The following LRP2 variants were observed in gnomAD, a reference collection of about 807,000 sequenced individuals.
LRP2 encodes LDL receptor related protein 2, also known as low-density lipoprotein receptor-related protein 2.
A neutral mutation model predicts 531.0 loss-of-function variants in LRP2; 172 were observed. That is an observed-to-expected ratio of 0.32 (90% confidence interval 0.29 to 0.37). The LOEUF is 0.37. Among genes scored for constraint, LRP2 ranks in the 10% least tolerant of loss-of-function variants. The pLI is 1.00. For missense variants in LRP2, 5,167 were observed against 5,868.3 expected, an observed-to-expected ratio of 0.88 and a Z score of 3.90; for synonymous variants, 1,992 against 2,027.6, an observed-to-expected ratio of 0.98 and a Z score of 0.47.
intron 36 of LRP2, among the ~76,000 whole-genome samples, chr2:169,212,800 A>T (rs1315280221): frequency 6.6e-6 from 1 of 152,026 alleles, no homozygotes; most frequent in African/African-American, 2.4e-5. Context: ...GGGATAAAAG[A>T]CTACAAATAG....
chr2:169,271,172 A>G (rs1001522420), intron 15 of LRP2, 65 bp from the exon 16 acceptor site: 29 of 1,018,002 alleles, frequency 2.8e-5, no homozygotes, highest in Admixed American at 2.1e-4. Context: ...CCCAAATTCC[A>G]GATAAATGCA....
chr2:169,351,661 T>A (rs1249869220), intron 1 of LRP2, among the ~76,000 whole-genome samples: 1 of 152,036 alleles, frequency 6.6e-6, no homozygotes, highest in Non-Finnish European at 1.5e-5. Flanking sequence ...GAGGAGAAGA[T>A]ATAAGGAAGC....
chr2:169,288,984 A>C (rs1261235499), intron 9 of LRP2, 42 bp downstream of exon 9: 2 of 1,612,086 alleles, frequency 1.2e-6, no homozygotes, highest in Non-Finnish European at 1.7e-6. Context: ...CCATCAGTGT[A>C]CTGTAATGAA....
At chr2:169,259,635 T>A (rs1023720649) in intron 16 of LRP2, among the ~76,000 whole-genome samples, 2 of 151,852 alleles carry the variant, frequency 1.3e-5, no homozygotes, top group Non-Finnish European at 2.9e-5. Context: ...TGAGGTATCA[T>A]CGCCCAACCC....
In LRP2 at chr2:169,236,374, T is replaced by C. The variant is rs77804733; in HGVS notation, c.4692-306A>G. Among the ~76,000 whole-genome samples, 398 of 152,276 alleles carry C rather than the reference T, an allele frequency of 2.6e-3. 1 individual carries two copies. The highest frequency in any genetic ancestry group is 9.0e-3 in the African/African-American group (374 of 41,576). ...TTCATGTTTGTTTATAATCCACAAA[T>C]AGTTGATCTAGAAAAATCCATCTGT... On this transcript the variant is annotated intron_variant, in intron 28 of 78. Coordinates refer to ENST00000649046, the MANE Select transcript of LRP2 (RefSeq NM_004525.3).
intron 19 of LRP2, among the ~76,000 whole-genome samples, chr2:169,247,858 T>C (rs1031305214): frequency 6.6e-6 from 1 of 152,206 alleles, no homozygotes; most frequent in African/African-American, 2.4e-5. Flanking sequence ...CTCATAGGTC[T>C]GCACCCGCTA....
chr2:169,326,646 GGAAGT>G (rs1383370585), intron 1 of LRP2, among the ~76,000 whole-genome samples: 1 of 152,162 alleles, frequency 6.6e-6, no homozygotes, highest in Admixed American at 6.5e-5. Flanking sequence ...ACCCCGTCTG[GGAAGT>G]GAGGAGCGTC....
intron 4 of LRP2, among the ~76,000 whole-genome samples, 181 bp downstream of exon 4, chr2:169,307,100 G>C (rs1684440378): frequency 6.6e-6 from 1 of 152,166 alleles, no homozygotes; most frequent in Admixed American, 6.5e-5. Flanking sequence ...AGAATGTCTT[G>C]TTAAAAATAG....
intron 3 of LRP2, among the ~76,000 whole-genome samples, chr2:169,309,021 C>A (rs1684510682): frequency 1.3e-5 from 2 of 152,168 alleles, no homozygotes; most frequent in African/African-American, 4.8e-5. Context: ...TAAATGTCTT[C>A]TTTTGAGAAG....
intron 3 of LRP2, among the ~76,000 whole-genome samples, chr2:169,310,591 G>A (rs1389753300): frequency 6.6e-6 from 1 of 152,214 alleles, no homozygotes; most frequent in Non-Finnish European, 1.5e-5. Flanking sequence ...TGTGCTGCTG[G>A]ATTGGGTTTG....
chr2:169,225,477 T>A, intron 32 of LRP2, 24 bp from the exon 33 acceptor site: 1 of 1,613,496 alleles, frequency 6.2e-7, no homozygotes, highest in Non-Finnish European at 8.5e-7. Flanking sequence ...CAAGGGGAGG[T>A]GAGCAGTTCC....
In LRP2 at chr2:169,177,790, A is replaced by G. The variant is rs1324250656; in HGVS notation, c.10393+13T>C. ...CAAGGCAACCTTGCCAAACCCCTCA[A>G]TCACCTACTCACCAATGGGCTGCCT... On this transcript the variant is annotated intron_variant, in intron 53 of 78. Coordinates refer to ENST00000649046, the MANE Select transcript of LRP2 (RefSeq NM_004525.3). The G allele has an allele frequency of 1.9e-6, 3 of 1,612,408 alleles. No individual in the cohort carries two copies. The highest frequency in any genetic ancestry group is 1.3e-5 in the African/African-American group (1 of 74,900).
chr2:169,265,274 A>G (rs1690754055), intron 16 of LRP2, among the ~76,000 whole-genome samples: 3 of 152,062 alleles, frequency 2.0e-5, no homozygotes, highest in Admixed American at 2.0e-4. Flanking sequence ...TCTCCAGAAA[A>G]GACTCACTAA....
chr2:169,337,320 G>A (rs1685433412), intron 1 of LRP2, among the ~76,000 whole-genome samples: 1 of 152,172 alleles, frequency 6.6e-6, no homozygotes, highest in Non-Finnish European at 1.5e-5. Flanking sequence ...GGAGCAGATT[G>A]TAGGGGAACA....
intron 28 of LRP2, among the ~76,000 whole-genome samples, chr2:169,236,806 G>A (rs1286158206): frequency 2.0e-5 from 3 of 152,162 alleles, no homozygotes; most frequent in Non-Finnish European, 2.9e-5. Flanking sequence ...ACTGCATGCA[G>A]TAATTAGAAA....
intron 54 of LRP2, among the ~76,000 whole-genome samples, chr2:169,176,137 T>C (rs1687184702): frequency 6.6e-6 from 1 of 152,246 alleles, no homozygotes; most frequent in Non-Finnish European, 1.5e-5. Context: ...CTGGCTCCAA[T>C]ACTTAAGACA....
intron 75 of LRP2, among the ~76,000 whole-genome samples, chr2:169,137,930 G>A (rs1685578653): frequency 6.6e-6 from 1 of 152,050 alleles, no homozygotes; most frequent in Non-Finnish European, 1.5e-5. Flanking sequence ...TTGAGGGAGA[G>A]ACAAAATTCT....
chr2:169,294,518 G>A lies in LRP2; in HGVS notation c.538+82C>T, dbSNP rs1684084997. On this transcript the variant is annotated intron_variant, in intron 5 of 78. Transcript: ENST00000649046. ...ATGAATTCACTGAACCTGAACTTGG[G>A]AAGAGATGTACATATTGGCTCTCTC... 1.2e-5 allele frequency: 12 copies of A among 1,015,354 alleles called. No individual in the cohort carries two copies. The South Asian group carries it at 1.4e-4, about 12-fold the overall frequency. 62.9% of individuals were successfully genotyped at this position (1,015,354 alleles called of 1,614,324 possible). A position where few individuals can be genotyped will look rare whatever the true frequency, so the allele number is the denominator to read the frequency against.
chr2:169,240,314 C>A (rs1187749946), intron 25 of LRP2, among the ~76,000 whole-genome samples: 1 of 152,178 alleles, frequency 6.6e-6, no homozygotes, highest in African/African-American at 2.4e-5. Flanking sequence ...ATGCCTAAAG[C>A]CACCCTAAGA....
Sources: allele counts gnomAD v4.1 joint callset (sites outside exome capture counted in the v4.1 genomes callset), GRCh38; gene constraint gnomAD v4.1.1; transcripts MANE v1.5; gene names NCBI Gene and HGNC (gene_info 2026-07-23, HGNC 2026-07-21).